Variants in PPP1R12C observed in about 807,000 individuals in gnomAD.
PPP1R12C encodes the protein protein phosphatase 1 regulatory subunit 12C, also known as leukocyte receptor cluster (LRC) encoded novel gene 3.
In PPP1R12C, 48 loss-of-function variants were observed where a neutral mutation model predicts 95.6. The ratio of observed to expected loss-of-function variants is 0.50; its 90% confidence interval spans 0.40 to 0.64. The LOEUF (loss-of-function observed/expected upper bound fraction) is 0.64. Among genes scored for constraint, PPP1R12C ranks in the 30% least tolerant of loss-of-function variants. The pLI, the probability that PPP1R12C is intolerant of heterozygous loss-of-function variation, is 0.00. For synonymous variants in PPP1R12C, 480 were observed against 460.8 expected (o/e 1.04, Z -0.53); for missense variants, 1,057 against 1,083.3 (o/e 0.98, Z 0.34).
At position 55,095,294 on chromosome 19, in the gene PPP1R12C, A is replaced by G; in HGVS notation, c.1451T>C (p.Val484Ala). 1 of 1,574,362 alleles carries G rather than the reference A, an allele frequency of 6.4e-7. No individual in the cohort carries two copies. The highest frequency in any genetic ancestry group is 8.6e-7 in the Non-Finnish European group (1 of 1,160,276). Reference protein sequence around the residue: ...TPSPKLPEPSVLSEVTKPPPC... With the variant: ...TPSPKLPEPSALSEVTKPPPC... ...GGCCCAGGCCCTGGGGACTCACAGG[A>G]CAGAGGGCTCCGGCAGCTTCGGGGA... Residue 484 changes from valine to alanine, a missense_variant, in exon 11 of 22, where the codon GTC becomes GCC. Val to Ala is a moderately conservative substitution (Grantham distance 64, BLOSUM62 0). This residue lies in a region of PPP1R12C where 356 missense variants were observed against 330.5 expected (regional missense o/e 1.08). Coordinates refer to ENST00000263433, the MANE Select transcript of PPP1R12C (RefSeq NM_017607.4).
At chr19:55,091,594 C>T (rs367827817) in intron 21 of PPP1R12C, 36 bp from the exon 22 acceptor site, 95 of 1,609,220 alleles carry the variant, frequency 5.9e-5, no homozygotes, top group East Asian at 3.1e-4. Context: ...GCAGCCCTGG[C>T]GGGTTGCACC....
At chr19:55,116,192 G>A (rs888043706) in intron 1 of PPP1R12C, among the ~76,000 whole-genome samples, 8 of 152,298 alleles carry the variant, frequency 5.3e-5, no homozygotes, top group Middle Eastern at 3.4e-3. Flanking sequence ...CGGGACGCAA[G>A]GGAGACATCC....
chr19:55,091,753 G>A, intron 20 of PPP1R12C, 53 bp from the exon 21 acceptor site: 1 of 1,612,980 alleles, frequency 6.2e-7, no homozygotes, highest in Non-Finnish European at 8.5e-7. Context: ...GAGGGCAGGG[G>A]AAGGCCAGGG....
At chr19:55,112,383 C>A in intron 3 of PPP1R12C, 84 bp downstream of exon 3, 1 of 1,255,816 alleles carries the variant, frequency 8.0e-7, no homozygotes, top group East Asian at 2.4e-5. Context: ...AGCCTCGGTG[C>A]CCAGGCCGCC....
In PPP1R12C at chr19:55,092,738, C is replaced by T. The variant is rs1254970464; in HGVS notation, c.1911+45G>A. ...GTATGGGAAGGGCTTTGCCCGCCCC[C>T]CGGCCCACCCTCTGCACCAGCTCGG... is the stretch of plus-strand genomic sequence containing the variant. On this transcript the variant is annotated intron_variant, in intron 16 of 21. Coordinates refer to ENST00000263433, the MANE Select transcript of PPP1R12C (RefSeq NM_017607.4). 4 of 1,535,882 alleles carry T rather than the reference C, an allele frequency of 2.6e-6. No individual in the cohort carries two copies. In the South Asian group the frequency reaches 4.9e-5, roughly 19 times the overall value.
chr19:55,093,281 C>T (rs1389853543), intron 13 of PPP1R12C, 48 bp from the exon 14 acceptor site: 2 of 1,566,850 alleles, frequency 1.3e-6, no homozygotes, highest in Admixed American at 1.8e-5. Context: ...CAGGGCCCAG[C>T]CCCTCCTCCC....
chr19:55,091,709 A>G lies in PPP1R12C; in HGVS notation c.2212-9T>C. The G allele has an allele frequency of 6.8e-6, 11 of 1,612,890 alleles. No homozygotes were observed. Among genetic ancestry groups the G allele is most frequent in the Non-Finnish European group, 9.3e-6 (11 of 1,179,672 alleles). ...TCCAGGGCCCTGCGCTCCTGGAATG[A>G]ACAGGGAAAGTGCAGAAACTGAGTG... On this transcript the variant is annotated splice_polypyrimidine_tract_variant and intron_variant, in intron 20 of 21. Transcript: ENST00000263433.
chr19:55,092,532 G>A lies in PPP1R12C; in HGVS notation c.1965C>T (p.Gly655=), dbSNP rs887932591. The change falls in exon 18 of 22, where the codon GGC becomes GGT. Residue 655 remains glycine, a synonymous_variant. Coordinates refer to ENST00000263433, the MANE Select transcript of PPP1R12C (RefSeq NM_017607.4). ...ACCGCTGCCTGCGGGCCGAGGGGCC[G>A]CCCTCCAGGGTGCTGGGGCAGGGGA... ...DRSQESSTLE[G]GPSARRQRWQ... is the part of the protein sequence containing the mutation. 3.1e-6 allele frequency: 5 copies of A among 1,603,906 alleles called. No homozygotes were observed. In the African/African-American group the frequency reaches 4.0e-5, roughly 13 times the overall value.
intron 3 of PPP1R12C, among the ~76,000 whole-genome samples, chr19:55,107,591 A>ATC (rs1372060700): frequency 6.6e-6 from 1 of 151,678 alleles, no homozygotes; most frequent in African/African-American, 2.4e-5. Context: ...TCAGCAAACT[A>ATC]TCGCAAGGAC....
chr19:55,092,427 G>A lies in PPP1R12C; in HGVS notation c.2055+15C>T. On this transcript the variant is annotated intron_variant, in intron 18 of 21. Transcript: ENST00000263433. ...ACCCAGCAGGCAAAGCCCCGACGGAGGGGTGGGATCGCACCGTCCTAAAGC... is the reference window on the plus strand; with the variant it reads ...ACCCAGCAGGCAAAGCCCCGACGGAAGGGTGGGATCGCACCGTCCTAAAGC... 6.3e-7 allele frequency: 1 copy of A among 1,599,958 alleles called. No homozygotes were observed. Among genetic ancestry groups the A allele is most frequent in the Non-Finnish European group, 8.5e-7 (1 of 1,173,830 alleles).
Position 55,117,518 on chromosome 19 carries a change from G to A in PPP1R12C, c.26C>T (p.Ala9Val). 2 of 1,026,106 alleles carry A rather than the reference G, an allele frequency of 1.9e-6. No homozygotes were observed. The allele number at this position is 1,026,106 out of a possible 1,614,324, so 63.6% of individuals were successfully genotyped here. ...AGCCGCCGCCGCCGCCCCCGGGCCA[G>A]CCGCCGGGCCATCCTCTCCGGACAT... MSGEDGPA[A>V]GPGAAAAAAR... The change falls in exon 1 of 22, where the codon GCT becomes GTT. Residue 9 changes from alanine (A) to valine (V), a missense_variant. This residue lies in a region of PPP1R12C where 70 missense variants were observed against 47.8 expected (regional missense o/e 1.46). Coordinates refer to ENST00000263433, the MANE Select transcript of PPP1R12C (RefSeq NM_017607.4).
chr19:55,111,416 T>A (rs1240375490), intron 3 of PPP1R12C: 1 of 152,140 alleles, frequency 6.6e-6, no homozygotes, highest in Non-Finnish European at 1.5e-5. Flanking sequence ...CTTCAACTTT[T>A]CTGTAAATCT....
In PPP1R12C at chr19:55,092,517, G is replaced by T. The variant is rs753895395; in HGVS notation, c.1980C>A (p.Arg660=). Reference sequence around the variant, plus strand: ...TGAGGTCCCGCTGCCACCGCTGCCTGCGGGCCGAGGGGCCGCCCTCCAGGG... The same window carrying T: ...TGAGGTCCCGCTGCCACCGCTGCCTTCGGGCCGAGGGGCCGCCCTCCAGGG... ...SSTLEGGPSA[R]RQRWQRDLNP... The change falls in exon 18 of 22, where the codon CGC becomes CGA. Residue 660 remains arginine (R), a synonymous_variant. Transcript: ENST00000263433. The T allele has an allele frequency of 6.2e-7, 1 of 1,608,290 alleles. No homozygotes were observed. Among genetic ancestry groups the T allele is most frequent in the Non-Finnish European group, 8.5e-7 (1 of 1,177,884 alleles).
Position 55,117,515 on chromosome 19 carries a change from C to A in PPP1R12C, c.29G>T (p.Gly10Val). 9.7e-7 allele frequency: 1 copy of A among 1,026,808 alleles called. No homozygotes were observed. The highest frequency in any genetic ancestry group is 1.2e-6 in the Non-Finnish European group (1 of 857,228). 63.6% of individuals were successfully genotyped at this position (1,026,808 alleles called of 1,614,324 possible). A position where few individuals can be genotyped will look rare whatever the true frequency, so the allele number is the denominator to read the frequency against. ...GGCAGCCGCCGCCGCCGCCCCCGGG[C>A]CAGCCGCCGGGCCATCCTCTCCGGA... MSGEDGPAAGPGAAAAAARE... is the reference protein window; with the variant it reads MSGEDGPAAVPGAAAAAARE... The change falls in exon 1 of 22, where the codon GGC (glycine) becomes GTC (valine). Residue 10 changes from glycine (G) to valine (V), a missense_variant. Physicochemically the swap from Gly to Val is moderately radical, Grantham distance 109 (BLOSUM62 -3). Coordinates refer to ENST00000263433, the MANE Select transcript of PPP1R12C (RefSeq NM_017607.4).
At chr19:55,116,533 C>T (rs1421127493) in intron 1 of PPP1R12C, among the ~76,000 whole-genome samples, 1 of 152,168 alleles carries the variant, frequency 6.6e-6, no homozygotes, top group Non-Finnish European at 1.5e-5. Context: ...CAGAAAGCGG[C>T]ACAGGCCCAG....
At chr19:55,112,437 C>A (rs1317624579) in intron 3 of PPP1R12C, 30 bp downstream of exon 3, 2 of 1,582,634 alleles carry the variant, frequency 1.3e-6, no homozygotes, top group South Asian at 1.1e-5. Flanking sequence ...GAGGTGTCCC[C>A]CACCCCACAC....
intron 15 of PPP1R12C, 37 bp from the exon 16 acceptor site, chr19:55,092,905 G>C: frequency 6.3e-7 from 1 of 1,599,968 alleles, no homozygotes; most frequent in Non-Finnish European, 8.5e-7. Flanking sequence ...GGCACCTCCA[G>C]AGCCCCCTCT....
chr19:55,113,008 A>G (rs1023225755), intron 1 of PPP1R12C: 1 of 621,268 alleles, frequency 1.6e-6, no homozygotes, highest in African/African-American at 1.8e-5. Context: ...AGTGGAAACC[A>G]CGAAAGGACT....
Position 55,094,416 on chromosome 19 carries a change from G to T in PPP1R12C, c.1612C>A (p.Arg538=). 1 of 1,613,690 alleles carries T rather than the reference G, an allele frequency of 6.2e-7. No individual in the cohort carries two copies. The highest frequency in any genetic ancestry group is 8.5e-7 in the Non-Finnish European group (1 of 1,179,986). Residue 538 remains arginine (R), a synonymous_variant, in exon 13 of 22, where the codon CGG becomes AGG. Transcript: ENST00000263433. Reference sequence around the variant, plus strand: ...CTCTGGGATTCCGACTCCTCATCCCGCACAGGCATCTGGTAGGACCTGAGG... The same window carrying T: ...CTCTGGGATTCCGACTCCTCATCCCTCACAGGCATCTGGTAGGACCTGAGG... ...DRRRSYQMPV[R]DEESESQRKA... is the part of the protein sequence containing the mutation.
Sources: allele counts gnomAD v4.1 joint callset (sites outside exome capture counted in the v4.1 genomes callset), GRCh38; gene constraint gnomAD v4.1.1; regional missense constraint gnomAD v4.1.1; transcripts MANE v1.5; gene names NCBI Gene and HGNC (gene_info 2026-07-23, HGNC 2026-07-21).